CARS2: variants seen among roughly 807,000 people sequenced by gnomAD.
The protein encoded by CARS2 is cysteinyl-tRNA synthetase 2, mitochondrial, also known as probable cysteine--tRNA ligase, mitochondrial.
CARS2 carries 52 observed loss-of-function variants against 68.8 expected under a neutral mutation model. That is an observed-to-expected ratio of 0.76 (90% CI 0.61 to 0.95). The LOEUF (loss-of-function observed/expected upper bound fraction) is 0.95. CARS2 is among the 40% of genes least tolerant of loss of function. The pLI is 0.00. For synonymous variants in CARS2, 314 were observed against 303.6 expected, an observed-to-expected ratio of 1.03 and a Z score of -0.36; for missense variants, 780 against 754.2, an observed-to-expected ratio of 1.03 and a Z score of -0.40.
intron 3 of CARS2, among the ~76,000 whole-genome samples, chr13:110,696,457 G>T (rs1253562009): frequency 6.6e-6 from 1 of 152,064 alleles, no homozygotes; most frequent in Non-Finnish European, 1.5e-5. Context: ...TTTAATGATC[G>T]CCATTCTAAC....
intron 3 of CARS2, among the ~76,000 whole-genome samples, chr13:110,688,504 C>G (rs913089564): frequency 6.6e-6 from 1 of 152,122 alleles, no homozygotes; most frequent in African/African-American, 2.4e-5. Flanking sequence ...CAAGGATCCT[C>G]CACTTTTCTA....
At chr13:110,655,637 G>A (rs2062345659) in intron 9 of CARS2, among the ~76,000 whole-genome samples, 1 of 152,230 alleles carries the variant, frequency 6.6e-6, no homozygotes, top group South Asian at 2.1e-4. Context: ...AGTGAACGTG[G>A]TCGGGCAGGA....
In CARS2 at chr13:110,647,280, G is replaced by A. The variant is rs766668429; in HGVS notation, c.1055-41C>T. On this transcript the variant is annotated intron_variant, in intron 10 of 14. Transcript: ENST00000257347. Reference sequence around the variant, plus strand: ...TGGTCACTGAGGCGGTGCCCACCATGCTGTGCCCCTGCCCTGGTCCAGCAG... The same window carrying A: ...TGGTCACTGAGGCGGTGCCCACCATACTGTGCCCCTGCCCTGGTCCAGCAG... The A allele has an allele frequency of 8.8e-6, 14 of 1,596,432 alleles. No homozygotes were observed. The Admixed American group carries it at 1.2e-4, about 13-fold the overall frequency.
At chr13:110,644,159 G>A (rs1425463647) in intron 13 of CARS2, 8 of 1,435,872 alleles carry the variant, frequency 5.6e-6, no homozygotes, top group Non-Finnish European at 6.5e-6. Flanking sequence ...CTCATCTCTG[G>A]TTCTGCGCAC....
Position 110,651,412 on chromosome 13 carries a change from C to T in CARS2, c.988-312G>A, listed in dbSNP as rs149954897. On this transcript the variant is annotated intron_variant, in intron 9 of 14. Coordinates refer to ENST00000257347, the MANE Select transcript of CARS2 (RefSeq NM_024537.4). ...GCTCAGCCTGGGCTCTCTTTCTGCA[C>T]GACAGGGACGTGGGACAGACAGCAT... 6.6e-3 allele frequency among the ~76,000 whole-genome samples: 1,000 copies of T among 152,294 alleles called. 9 individuals carry two copies. The highest frequency in any genetic ancestry group is 0.022 in the African/African-American group (919 of 41,564).
At chr13:110,689,084 G>A (rs138022108) in intron 3 of CARS2, among the ~76,000 whole-genome samples, 42 of 152,320 alleles carry the variant, frequency 2.8e-4, no homozygotes, top group African/African-American at 9.9e-4. Flanking sequence ...GGGGCCTTGG[G>A]GGCACGCATC....
At chr13:110,699,187 G>A (rs7998588) in intron 3 of CARS2, among the ~76,000 whole-genome samples, 79,678 of 151,998 alleles carry the variant, frequency 0.52, 21,821 homozygotes, top group African/African-American at 0.69. Context: ...GAGCAAATAC[G>A]TTTCTATTCA....
chr13:110,652,807 G>A lies in CARS2; in HGVS notation c.988-1707C>T, dbSNP rs553426703. Among the ~76,000 whole-genome samples the A allele has an allele frequency of 3.3e-5, 5 of 152,340 alleles. 1 individual carries two copies. In the South Asian group the frequency reaches 8.3e-4, roughly 25 times the overall value. On this transcript the variant is annotated intron_variant, in intron 9 of 14. Transcript: ENST00000257347. ...GCCCACAGAGAGAAGGTGGGAGGGCGGGGAGATCTGTGAACTGGGATGGTT... is the reference window on the plus strand; with the variant it reads ...GCCCACAGAGAGAAGGTGGGAGGGCAGGGAGATCTGTGAACTGGGATGGTT...
At chr13:110,708,574 C>CT (rs572046218), upstream of CARS2, among the ~76,000 whole-genome samples, 5,887 of 145,462 alleles carry the variant, frequency 0.04, 312 homozygotes, top group African/African-American at 0.12. Flanking sequence ...ATTATGTTTT[C>CT]TTTTTTTTTT....
intron 6 of CARS2, among the ~76,000 whole-genome samples, chr13:110,677,322 ACAGTCACCCCCACCACGGGGACC>A (rs1456246393): frequency 2.9e-5 from 2 of 68,058 alleles, no homozygotes; most frequent in African/African-American, 5.6e-5. Context: ...GGAAACTCAG[ACAGTCACCCCCACCACGGGGACC>A]CAGTCACCCC....
In CARS2 at chr13:110,712,641, C is replaced by A. The variant is rs956552257; in HGVS notation, n.399+496G>T. 20 of 570,242 alleles carry A rather than the reference C, an allele frequency of 3.5e-5. No individual in the cohort carries two copies. In the African/African-American group the frequency reaches 3.7e-4, roughly 11 times the overall value. The allele number at this position is 570,242 out of a possible 1,614,324, so 35.3% of individuals were successfully genotyped here. A position where few individuals can be genotyped will look rare whatever the true frequency, so the allele number is the denominator to read the frequency against. ...GCTTTGGGAGGGTAGAGGGGCGACG[C>A]GGGGGAGGGCGGTCCGGGGAGCTGA... On this transcript the variant is annotated intron_variant and non_coding_transcript_variant, in intron 1 of 2. Transcript: ENST00000485188.
chr13:110,651,319 CAAG>C (rs2062207258), intron 9 of CARS2: 1 of 525,780 alleles, frequency 1.9e-6, no homozygotes, highest in Non-Finnish European at 3.4e-6. Context: ...GTGGAAAGAG[CAAG>C]AAGAGAAAGC....
At chr13:110,660,818 G>A (rs1175078452) in intron 9 of CARS2, among the ~76,000 whole-genome samples, 1 of 147,186 alleles carries the variant, frequency 6.8e-6, no homozygotes, top group Non-Finnish European at 1.5e-5. Context: ...CTGGAGTGCA[G>A]TGGCACAATC....
intron 1 of CARS2, chr13:110,712,953 G>A (rs1026073202): frequency 3.8e-6 from 6 of 1,560,106 alleles, no homozygotes; most frequent in Non-Finnish European, 5.2e-6. Flanking sequence ...AGGCTGCTGG[G>A]AGTGGTGGTC....
intron 10 of CARS2, among the ~76,000 whole-genome samples, chr13:110,649,535 C>T (rs9583520): frequency 0.19 from 28,838 of 152,120 alleles, 3,175 homozygotes; most frequent in Admixed American, 0.3. Context: ...AGTGTGCTGG[C>T]CAGATAGATT....
Position 110,662,934 on chromosome 13 carries a change from C to G in CARS2, c.987+517G>C, listed in dbSNP as rs565903119. 88 of 451,548 alleles carry G rather than the reference C, an allele frequency of 1.9e-4. 1 individual carries two copies. The highest frequency in any genetic ancestry group is 1.3e-3 in the South Asian group (81 of 63,968). 28.0% of individuals were successfully genotyped at this position (451,548 alleles called of 1,614,324 possible). ...AAGGAGGAGTTCAAACTATGTCAGC[C>G]AGAGCCCTCCGTGGGTGTGCCTGTT... On this transcript the variant is annotated intron_variant, in intron 9 of 14. Coordinates refer to ENST00000257347, the MANE Select transcript of CARS2 (RefSeq NM_024537.4).
At chr13:110,645,808 G>T (rs1888030139) in intron 12 of CARS2, 159 bp downstream of exon 12, 2 of 970,248 alleles carry the variant, frequency 2.1e-6, no homozygotes, top group South Asian at 1.7e-5. Context: ...GCCATCCCGT[G>T]TGTCAGCGGC....
rs1037184355 is a variant in CARS2, at chr13:110,706,084, T to C, written c.10A>G (p.Thr4Ala). The change falls in exon 1 of 15, where the codon ACT (threonine) becomes GCT (alanine). Residue 4 changes from threonine to alanine, a missense_variant. Transcript: ENST00000257347. Reference protein sequence around the residue: MLRTTRGPGLGPPL... With the variant: MLRATRGPGLGPPL... ...GGGCCCAGGCCTGGGCCGCGCGTAG[T>C]CCTCAACATGTCAGCGGCCAGCGCC... The C allele has an allele frequency of 2.0e-5, 26 of 1,320,456 alleles. No individual in the cohort carries two copies. The highest frequency in any genetic ancestry group is 2.3e-5 in the Non-Finnish European group (24 of 1,038,388). The allele number at this position is 1,320,456 out of a possible 1,614,324, so 81.8% of individuals were successfully genotyped here.
At chr13:110,711,405 G>C (rs914760589), upstream of CARS2, among the ~76,000 whole-genome samples, 1 of 152,144 alleles carries the variant, frequency 6.6e-6, no homozygotes, top group Non-Finnish European at 1.5e-5. Flanking sequence ...GTAGAGACAG[G>C]GTTTCACCAT....
Sources: allele counts gnomAD v4.1 joint callset (sites outside exome capture counted in the v4.1 genomes callset), GRCh38; gene constraint gnomAD v4.1.1; transcripts MANE v1.5; gene names NCBI Gene and HGNC (gene_info 2026-07-23, HGNC 2026-07-21).